Variants in GPHN observed in about 807,000 individuals in gnomAD.
GPHN encodes gephyrin.
A neutral mutation model predicts 95.5 loss-of-function variants in GPHN; 17 were observed. The observed-to-expected ratio is 0.18, with a 90% CI of 0.12 to 0.27. The LOEUF (loss-of-function observed/expected upper bound fraction) is 0.27, where lower values mean the gene tolerates loss of function less well. Among genes scored for constraint, GPHN ranks in the 10% least tolerant of loss-of-function variants. GPHN has a pLI of 1.00. For synonymous variants in GPHN, 320 were observed against 322.5 expected (o/e 0.99, Z 0.08); for missense variants, 660 against 978.1 (o/e 0.67, Z 4.34).
At chr14:67,050,935 G>A (rs1051304666) in intron 10 of GPHN, among the ~76,000 whole-genome samples, 3 of 152,188 alleles carry the variant, frequency 2.0e-5, no homozygotes, top group Non-Finnish European at 4.4e-5. Flanking sequence ...ACCCCGCCTG[G>A]GGAACCATGC....
At chr14:66,964,181 AATG>A (rs2069155810) in intron 8 of GPHN, among the ~76,000 whole-genome samples, 1 of 152,090 alleles carries the variant, frequency 6.6e-6, no homozygotes, top group Non-Finnish European at 1.5e-5. Context: ...TTTTTAGAAT[AATG>A]ATAATTACAT....
chr14:67,367,789 T>C, the GPHN span, among the ~76,000 whole-genome samples: 1 of 151,524 alleles, frequency 6.6e-6, no homozygotes, highest in African/African-American at 2.4e-5. Context: ...TGAGCCAAGA[T>C]TGCACCGCTG....
intron 9 of GPHN, among the ~76,000 whole-genome samples, chr14:67,004,413 T>C (rs918935102): frequency 6.6e-6 from 1 of 151,838 alleles, no homozygotes; most frequent in African/African-American, 2.4e-5. Flanking sequence ...TATTGCCATA[T>C]TAAGCATATA....
intron 1 of GPHN, among the ~76,000 whole-genome samples, chr14:66,591,506 T>G (rs1184185150): frequency 1.4e-5 from 2 of 145,364 alleles, no homozygotes; most frequent in African/African-American, 5.4e-5. Flanking sequence ...TTTCTATACA[T>G]CAATAATAGA....
intron 18 of GPHN, among the ~76,000 whole-genome samples, chr14:67,155,335 GT>G (rs1186080859): frequency 3.9e-5 from 6 of 152,218 alleles, no homozygotes; most frequent in African/African-American, 4.8e-5. Context: ...ATATATCATT[GT>G]CCAAAGCCTT....
intron 2 of GPHN, among the ~76,000 whole-genome samples, chr14:66,736,347 C>G (rs183707849): frequency 6.6e-6 from 1 of 150,960 alleles, no homozygotes; most frequent in Non-Finnish European, 1.5e-5. Context: ...TAAGTACTAC[C>G]GAGTTAGATT....
chr14:66,701,176 G>A (rs1411878509), intron 2 of GPHN, among the ~76,000 whole-genome samples: 1 of 152,108 alleles, frequency 6.6e-6, no homozygotes. Flanking sequence ...ATTTACATAT[G>A]CATGTAAGTG....
chr14:67,717,020 A>G, the GPHN span, among the ~76,000 whole-genome samples: 7 of 152,288 alleles, frequency 4.6e-5, no homozygotes, highest in South Asian at 1.4e-3. Flanking sequence ...CCTTCTATCA[A>G]TCTACTTTAT....
At chr14:66,691,907 G>C (rs1037276788) in intron 2 of GPHN, among the ~76,000 whole-genome samples, 7 of 152,240 alleles carry the variant, frequency 4.6e-5, no homozygotes, top group Admixed American at 6.5e-5. Context: ...CCAGTACTTT[G>C]GTTAGCAACC....
intron 1 of GPHN, among the ~76,000 whole-genome samples, chr14:66,638,355 A>G (rs2064214111): frequency 6.6e-6 from 1 of 152,130 alleles, no homozygotes. Context: ...AATTGCTTGA[A>G]CCAGGGAGGC....
intron 4 of GPHN, among the ~76,000 whole-genome samples, chr14:66,841,894 A>G (rs548296690): frequency 7.2e-5 from 11 of 151,986 alleles, no homozygotes; most frequent in Non-Finnish European, 8.8e-5. Flanking sequence ...AGAAAAGAAA[A>G]GAAAAGAAAA....
chr14:67,572,377 G>A, the GPHN span: 3 of 1,021,538 alleles, frequency 2.9e-6, no homozygotes, highest in East Asian at 8.7e-5. Context: ...CTGAAGTGAG[G>A]GGTCCCTAGA....
At chr14:67,132,822 TC>T (rs1193195798) in intron 17 of GPHN, among the ~76,000 whole-genome samples, 2 of 151,608 alleles carry the variant, frequency 1.3e-5, no homozygotes, top group Non-Finnish European at 2.9e-5. Flanking sequence ...AATCATTCTA[TC>T]CCATTTACCC....
At chr14:67,240,240 G>T in the GPHN span, among the ~76,000 whole-genome samples, 1 of 152,184 alleles carries the variant, frequency 6.6e-6, no homozygotes, top group Non-Finnish European at 1.5e-5. Context: ...AGGAACAACG[G>T]TTTGCTTCGT....
At chr14:66,665,299 T>A (rs2065886868) in intron 1 of GPHN, among the ~76,000 whole-genome samples, 1 of 152,072 alleles carries the variant, frequency 6.6e-6, no homozygotes, top group South Asian at 2.1e-4. Flanking sequence ...CTCAAAAAAC[T>A]GAGTGAACAG....
intron 2 of GPHN, among the ~76,000 whole-genome samples, chr14:66,696,876 T>C (rs1172744454): frequency 1.3e-5 from 2 of 152,254 alleles, no homozygotes; most frequent in African/African-American, 2.4e-5. Flanking sequence ...TATGTAGATT[T>C]GTGGTTTATC....
chr14:67,615,856 G>T, the GPHN span: 1 of 618,006 alleles, frequency 1.6e-6, no homozygotes, highest in South Asian at 1.6e-5. Flanking sequence ...TTGGTGATTC[G>T]GCGAAGAAAC....
At chr14:67,672,442 CTTTTCTTTTT>C in the GPHN span, among the ~76,000 whole-genome samples, 2 of 101,740 alleles carry the variant, frequency 2.0e-5, no homozygotes, top group African/African-American at 6.2e-5. Context: ...TTTTTCTTTT[CTTTTCTTTTT>C]TTTTTTTTTT....
At chr14:67,364,960 A>G in the GPHN span, 1 of 1,614,010 alleles carries the variant, frequency 6.2e-7, no homozygotes, top group Non-Finnish European at 8.5e-7. Flanking sequence ...ACTCATCCGA[A>G]TTGGCAGGAA....
Sources: gnomAD v4.1 joint callset for allele counts (sites outside exome capture counted in the v4.1 genomes callset) on GRCh38, gnomAD v4.1.1 for gene constraint, MANE v1.5 for transcripts, NCBI Gene and HGNC (gene_info 2026-07-23, HGNC 2026-07-21) for gene names.